The following PACS1 variants were observed in gnomAD, a reference collection of about 807,000 sequenced individuals.
PACS1 encodes PACS-1.
In PACS1, 24 loss-of-function variants were observed where a neutral mutation model predicts 115.0. The observed-to-expected ratio is 0.21, with a 90% CI of 0.15 to 0.29. PACS1 has a LOEUF of 0.29. Ranked by LOEUF, PACS1 falls within the 10% of genes least tolerant of loss-of-function variation. The pLI is 1.00. For synonymous variants in PACS1, 453 were observed against 504.5 expected (o/e 0.90, Z 1.37); for missense variants, 838 against 1,251.2 (o/e 0.67, Z 4.98).
intron 1 of PACS1, among the ~76,000 whole-genome samples, chr11:66,184,240 G>C (rs1199828044): frequency 1.4e-5 from 2 of 147,868 alleles, no homozygotes; most frequent in African/African-American, 2.5e-5. Flanking sequence ...TTGAGCCTGA[G>C]AGGCGGAGGC....
intron 2 of PACS1, among the ~76,000 whole-genome samples, chr11:66,208,983 A>G (rs939634467): frequency 1.3e-5 from 2 of 151,988 alleles, no homozygotes; most frequent in Admixed American, 6.6e-5. Context: ...TTTTAGACAA[A>G]TTTATTCAAC....
At chr11:66,220,318 C>T (rs1590828716) in intron 8 of PACS1, 1 of 358,512 alleles carries the variant, frequency 2.8e-6, no homozygotes, top group East Asian at 5.5e-5. Context: ...GCGATTGCTT[C>T]GCCTTCCTGT....
intron 1 of PACS1, among the ~76,000 whole-genome samples, chr11:66,193,080 C>T (rs984712226): frequency 6.6e-6 from 1 of 152,188 alleles, no homozygotes; most frequent in Non-Finnish European, 1.5e-5. Flanking sequence ...GTCTCCTCTT[C>T]CCCCTCAGAA....
intron 1 of PACS1, among the ~76,000 whole-genome samples, chr11:66,105,122 A>T (rs557794235): frequency 6.6e-6 from 1 of 152,262 alleles, no homozygotes; most frequent in African/African-American, 2.4e-5. Context: ...ATTAAGCAGC[A>T]GTTAAAACTA....
intron 10 of PACS1, among the ~76,000 whole-genome samples, chr11:66,225,484 C>T (rs1855453541): frequency 6.6e-6 from 1 of 152,176 alleles, no homozygotes. Flanking sequence ...AGCAGGTGTC[C>T]TCTAAGCCCA....
chr11:66,221,071 C>A, intron 9 of PACS1, 83 bp from the exon 10 acceptor site: 1 of 1,339,166 alleles, frequency 7.5e-7, no homozygotes, highest in Non-Finnish European at 1.1e-6. Context: ...TTGACCCACC[C>A]TGAATGCCAG....
At position 66,235,808 on chromosome 11, in the gene PACS1, G is replaced by A; in HGVS notation, c.2208-90G>A. The A allele has an allele frequency of 1.8e-6, 2 of 1,102,860 alleles. No individual in the cohort carries two copies. The highest frequency in any genetic ancestry group is 1.2e-5 in the South Asian group (1 of 80,790). 68.3% of individuals were successfully genotyped at this position (1,102,860 alleles called of 1,614,324 possible). A position where few individuals can be genotyped will look rare whatever the true frequency, so the allele number is the denominator to read the frequency against. On this transcript the variant is annotated intron_variant, in intron 18 of 23. Coordinates refer to ENST00000320580, the MANE Select transcript of PACS1 (RefSeq NM_018026.4). This position sits in a 1 kb window ranked among gnomAD's most constrained non-coding sequence, Gnocchi z 5.6. ...GCAGCCCAGCATCCTGGACTCTGCT[G>A]CAGCCACAGTGAGATAGGAAAGGCC... is the stretch of plus-strand genomic sequence containing the variant.
At chr11:66,122,625 C>T (rs149544530) in intron 1 of PACS1, among the ~76,000 whole-genome samples, 1 of 152,226 alleles carries the variant, frequency 6.6e-6, no homozygotes, top group African/African-American at 2.4e-5. Context: ...TGAAAGAAGT[C>T]GATTTCGACT....
At chr11:66,096,671 T>A (rs1230537584) in intron 1 of PACS1, among the ~76,000 whole-genome samples, 2 of 151,174 alleles carry the variant, frequency 1.3e-5, no homozygotes, top group East Asian at 2.0e-4. Context: ...GCCTGGCTAA[T>A]TTTTTTTATT....
chr11:66,238,119 T>C, intron 19 of PACS1: 1 of 985,448 alleles, frequency 1.0e-6, no homozygotes, highest in South Asian at 4.7e-5. Flanking sequence ...GGGCCCAGGC[T>C]GTCCTTTCCA....
chr11:66,205,968 T>G (rs1386613729), intron 2 of PACS1, among the ~76,000 whole-genome samples: 1 of 152,138 alleles, frequency 6.6e-6, no homozygotes, highest in Non-Finnish European at 1.5e-5. Flanking sequence ...GGCGACATGG[T>G]CAAACCCCAT....
At chr11:66,220,434 G>T in intron 8 of PACS1, 197 bp from the exon 9 acceptor site, 2 of 583,334 alleles carry the variant, frequency 3.4e-6, no homozygotes, top group East Asian at 2.9e-5. Context: ...GCAGGAACTG[G>T]GGGGAAGGTG....
At chr11:66,162,132 T>G (rs1344926920) in intron 1 of PACS1, among the ~76,000 whole-genome samples, 2 of 137,146 alleles carry the variant, frequency 1.5e-5, no homozygotes, top group African/African-American at 2.7e-5. Context: ...TTTTTTTTTT[T>G]TTTTTTTTTT....
At chr11:66,093,270 G>C (rs1234764007) in intron 1 of PACS1, among the ~76,000 whole-genome samples, 6 of 152,004 alleles carry the variant, frequency 3.9e-5, no homozygotes, top group Non-Finnish European at 8.8e-5. Context: ...AAAGAGTCAA[G>C]ACCCATCAGT....
At position 66,162,598 on chromosome 11, in the gene PACS1, C is replaced by T. The variant is rs560388870; in HGVS notation, c.357-30888C>T. Among the ~76,000 whole-genome samples, 223 of 152,164 alleles carry T rather than the reference C, an allele frequency of 1.5e-3. 5 individuals are homozygous for T. The highest frequency in any genetic ancestry group is 3.4e-4 in the Non-Finnish European group (23 of 68,024). On this transcript the variant is annotated intron_variant, in intron 1 of 23. Transcript: ENST00000320580. ...GCTCCCTTAGAGCCTTTACAGGCCG[C>T]ACAGCCCTGCCTACACCTTGGTGTT...
intron 1 of PACS1, among the ~76,000 whole-genome samples, chr11:66,075,981 C>T (rs1343545251): frequency 6.6e-6 from 1 of 152,166 alleles, no homozygotes; most frequent in African/African-American, 2.4e-5. Flanking sequence ...TCGTGATCCA[C>T]CTGCCTTGGC....
intron 2 of PACS1, among the ~76,000 whole-genome samples, chr11:66,202,804 A>G (rs1854846601): frequency 6.9e-6 from 1 of 143,932 alleles, no homozygotes; most frequent in Admixed American, 7.1e-5. Flanking sequence ...ATTTGATAAA[A>G]TTCAACAAGG....
chr11:66,123,802 T>G (rs2134566146), intron 1 of PACS1, among the ~76,000 whole-genome samples: 1 of 151,392 alleles, frequency 6.6e-6, no homozygotes, highest in Admixed American at 6.6e-5. Context: ...ATTACAGGCG[T>G]GAGCCACCGC....
chr11:66,213,727 T>C (rs1855132709), intron 4 of PACS1, among the ~76,000 whole-genome samples: 1 of 152,184 alleles, frequency 6.6e-6, no homozygotes, highest in Non-Finnish European at 1.5e-5. Context: ...AATTCCCTTT[T>C]GGAATGGTAA....
Sources: allele counts gnomAD v4.1 joint callset (sites outside exome capture counted in the v4.1 genomes callset), GRCh38; gene constraint gnomAD v4.1.1; non-coding constraint Gnocchi (gnomAD v3.1); transcripts MANE v1.5; gene names NCBI Gene and HGNC (gene_info 2026-07-23, HGNC 2026-07-21).